Variants in RABGAP1L observed in about 807,000 individuals in gnomAD.
The protein encoded by RABGAP1L is rab GTPase-activating protein 1-like.
RABGAP1L carries 63 observed loss-of-function variants against 137.7 expected under a neutral mutation model. The observed-to-expected ratio is 0.46, with a 90% CI of 0.37 to 0.56. RABGAP1L has a LOEUF of 0.56. Ranked by LOEUF, RABGAP1L falls within the 20% of genes least tolerant of loss-of-function variation. The pLI is 0.00. For missense variants in RABGAP1L, 1,095 were observed against 1,244.0 expected (o/e 0.88, Z 1.80); for synonymous variants, 431 against 433.7 (o/e 0.99, Z 0.08).
intron 11 of RABGAP1L, among the ~76,000 whole-genome samples, chr1:174,346,329 T>G (rs1253690462): frequency 2.0e-5 from 3 of 152,248 alleles, no homozygotes; most frequent in African/African-American, 7.2e-5. Flanking sequence ...TTAATTCTTC[T>G]TTAAATGTTG....
At chr1:174,411,623 G>T (rs906656468) in intron 13 of RABGAP1L, among the ~76,000 whole-genome samples, 4 of 152,014 alleles carry the variant, frequency 2.6e-5, no homozygotes, top group African/African-American at 9.7e-5. Flanking sequence ...TAGGGATATT[G>T]GGCTAAGTTT....
chr1:174,493,096 C>G (rs1423063680), intron 13 of RABGAP1L, among the ~76,000 whole-genome samples: 1 of 150,286 alleles, frequency 6.7e-6, no homozygotes, highest in Admixed American at 6.7e-5. Context: ...CACAGTGACT[C>G]ACACCTGTAA....
chr1:174,577,584 A>T (rs1165821133), intron 13 of RABGAP1L, among the ~76,000 whole-genome samples: 3 of 152,160 alleles, frequency 2.0e-5, no homozygotes, highest in African/African-American at 4.8e-5. Context: ...TCTTGCAGTC[A>T]TTGGAAATAA....
intron 16 of RABGAP1L, chr1:174,700,990 C>T: frequency 8.5e-7 from 1 of 1,174,932 alleles, no homozygotes. Flanking sequence ...ACTGAATGAG[C>T]ATTTGGACGT....
chr1:174,552,325 C>G (rs1666600585), intron 13 of RABGAP1L, among the ~76,000 whole-genome samples: 1 of 152,076 alleles, frequency 6.6e-6, no homozygotes, highest in Non-Finnish European at 1.5e-5. Flanking sequence ...CTTCCACCCT[C>G]CGCCTCCACC....
At chr1:174,249,143 A>G (rs1330318755) in intron 5 of RABGAP1L, among the ~76,000 whole-genome samples, 3 of 152,174 alleles carry the variant, frequency 2.0e-5, no homozygotes, top group South Asian at 2.1e-4. Flanking sequence ...ATACATATAT[A>G]TGTATATATG....
At chr1:174,648,611 T>C (rs1257206874) in intron 14 of RABGAP1L, among the ~76,000 whole-genome samples, 1 of 152,188 alleles carries the variant, frequency 6.6e-6, no homozygotes, top group East Asian at 1.9e-4. Context: ...AGGAGTGTTT[T>C]ACTTCCAATT....
At chr1:174,962,323 T>G (rs1268354999) in intron 20 of RABGAP1L, among the ~76,000 whole-genome samples, 1 of 151,958 alleles carries the variant, frequency 6.6e-6, no homozygotes, top group Non-Finnish European at 1.5e-5. Flanking sequence ...TCTCTTGGGT[T>G]TGGGACACAG....
intron 19 of RABGAP1L, among the ~76,000 whole-genome samples, chr1:174,842,613 G>C (rs777876435): frequency 3.3e-5 from 5 of 152,114 alleles, no homozygotes; most frequent in Non-Finnish European, 7.4e-5. Context: ...AGGATACACA[G>C]TCTCCCAAAG....
In RABGAP1L at chr1:174,165,942, C is replaced by G. The variant is rs1406371594; in HGVS notation, c.-34+6285C>G. 2.0e-5 allele frequency among the ~76,000 whole-genome samples: 3 copies of G among 152,162 alleles called. No individual in the cohort carries two copies. In the East Asian group the frequency reaches 5.8e-4, roughly 29 times the overall value. On this transcript the variant is annotated intron_variant, in intron 1 of 25. Transcript: ENST00000681986. Reference sequence around the variant, plus strand: ...CAGGGAAAAATGAGTAGTGAAAGAGCTAGGCAAGAAAGAGTCCGTTAGCAC... The same window carrying G: ...CAGGGAAAAATGAGTAGTGAAAGAGGTAGGCAAGAAAGAGTCCGTTAGCAC...
intron 22 of RABGAP1L, 111 bp from the exon 23 acceptor site, chr1:174,978,696 A>C: frequency 8.2e-7 from 1 of 1,224,738 alleles, no homozygotes; most frequent in Non-Finnish European, 1.1e-6. Context: ...TTATATAGTT[A>C]ACATTGTTAC....
rs1164129893 is a variant in RABGAP1L, at chr1:174,822,386, T to C, written c.2340+10426T>C. On this transcript the variant is annotated intron_variant, in intron 19 of 25. Coordinates refer to ENST00000681986, the MANE Select transcript of RABGAP1L (RefSeq NM_001366446.1). ...ACCTTAGATTGGGGTATTGTTTTGTTTTATTCCCAGTGAGCAGGGAACATG... is the reference window on the plus strand; with the variant it reads ...ACCTTAGATTGGGGTATTGTTTTGTCTTATTCCCAGTGAGCAGGGAACATG... Among the ~76,000 whole-genome samples, 5 of 152,252 alleles carry C rather than the reference T, an allele frequency of 3.3e-5. No homozygotes were observed. The South Asian group carries it at 8.3e-4, about 25-fold the overall frequency.
chr1:174,655,258 G>A (rs1045501762), intron 14 of RABGAP1L, among the ~76,000 whole-genome samples: 1 of 152,112 alleles, frequency 6.6e-6, no homozygotes, highest in African/African-American at 2.4e-5. Flanking sequence ...ATTAGAAAAA[G>A]GATCCAGTTC....
intron 21 of RABGAP1L, 132 bp from the exon 22 acceptor site, chr1:174,975,946 T>A: frequency 1.3e-6 from 1 of 771,590 alleles, no homozygotes; most frequent in East Asian, 2.8e-5. Flanking sequence ...TTGGTTGAGC[T>A]AGGAGGGAAA....
At chr1:174,857,266 C>A (rs1360690338) in intron 19 of RABGAP1L, among the ~76,000 whole-genome samples, 1 of 152,174 alleles carries the variant, frequency 6.6e-6, no homozygotes, top group Non-Finnish European at 1.5e-5. Context: ...CTGAGAGCCG[C>A]CATTTATGAC....
Position 174,182,456 on chromosome 1 carries a change from A to G in RABGAP1L, c.-34+22799A>G, listed in dbSNP as rs80051984. ...GAGATTATCATAAAATACTTTGGTT[A>G]GAGGTAAAGAACAGCTTTCTGACTG... is the stretch of plus-strand genomic sequence containing the variant. On this transcript the variant is annotated intron_variant, in intron 1 of 25. Transcript: ENST00000681986. Among the ~76,000 whole-genome samples, 438 of 152,332 alleles carry G rather than the reference A, an allele frequency of 2.9e-3. 1 individual carries two copies. Among genetic ancestry groups the G allele is most frequent in the African/African-American group, 9.7e-3 (404 of 41,572 alleles).
At chr1:174,479,233 C>T (rs541914387) in intron 13 of RABGAP1L, among the ~76,000 whole-genome samples, 13 of 152,172 alleles carry the variant, frequency 8.5e-5, no homozygotes, top group Non-Finnish European at 1.8e-4. Context: ...AGGTACCATA[C>T]CTTAAGGAGA....
intron 15 of RABGAP1L, among the ~76,000 whole-genome samples, chr1:174,685,376 C>T (rs1020393855): frequency 6.6e-6 from 1 of 152,012 alleles, no homozygotes; most frequent in Non-Finnish European, 1.5e-5. Flanking sequence ...CCTCAGCCTT[C>T]CCAGTAGCTG....
In RABGAP1L at chr1:174,264,826, GA is replaced by G. The variant is rs552832101; in HGVS notation, c.987-7581del. Among the ~76,000 whole-genome samples the G allele has an allele frequency of 1.2e-4, 18 of 149,460 alleles. No homozygotes were observed. In the South Asian group the frequency reaches 1.5e-3, roughly 12 times the overall value. ...GAAAAAATATAGACTGTAGATAAAA[GA>G]AAAAAATTAGAAAAAAAAACAAAAG... On this transcript the variant is annotated intron_variant, in intron 7 of 25. Transcript: ENST00000681986.
Sources: gnomAD v4.1 joint callset for allele counts (sites outside exome capture counted in the v4.1 genomes callset) on GRCh38, gnomAD v4.1.1 for gene constraint, MANE v1.5 for transcripts, NCBI Gene and HGNC (gene_info 2026-07-23, HGNC 2026-07-21) for gene names.